Variants in STX19 observed in about 807,000 individuals in gnomAD.
STX19 encodes syntaxin 19, also known as syntaxin-19.
STX19 carries 26 observed loss-of-function variants against 24.3 expected under a neutral mutation model. That is an observed-to-expected ratio of 1.07 (90% confidence interval 0.78 to 1.48). The LOEUF is 1.48. Ranked by LOEUF, STX19 falls within the 40% of genes most tolerant of loss-of-function variation. The pLI is 0.00. For synonymous variants in STX19, 116 were observed against 106.9 expected (o/e 1.09, Z -0.52); for missense variants, 367 against 331.9 (o/e 1.11, Z -0.82).
intron 1 of STX19, among the ~76,000 whole-genome samples, chr3:94,016,623 T>C (rs1575983730): frequency 6.6e-6 from 1 of 151,734 alleles, no homozygotes; most frequent in Admixed American, 6.6e-5. Context: ...TATGAAAGTA[T>C]TGGAGATTTT....
At chr3:94,015,649 C>G (rs747523323) in intron 1 of STX19, among the ~76,000 whole-genome samples, 1 of 151,934 alleles carries the variant, frequency 6.6e-6, no homozygotes, top group Non-Finnish European at 1.5e-5. Flanking sequence ...CCAAAAATGC[C>G]CTTGTTACTA....
chr3:94,020,974 C>T (rs1363653103), intron 1 of STX19, among the ~76,000 whole-genome samples: 1 of 151,788 alleles, frequency 6.6e-6, no homozygotes, highest in Non-Finnish European at 1.5e-5. Flanking sequence ...ACTTTACTGG[C>T]AAGGAACAGT....
At chr3:94,020,732 A>T (rs377329961) in intron 1 of STX19, among the ~76,000 whole-genome samples, 1 of 152,210 alleles carries the variant, frequency 6.6e-6, no homozygotes, top group Non-Finnish European at 1.5e-5. Context: ...CCGGTGGGAA[A>T]CATTTAAGAG....
At position 94,015,164 on chromosome 3, in the gene STX19, G is replaced by A. The variant is rs372071936; in HGVS notation, c.106C>T (p.Gln36Ter). The change falls in exon 2 of 2, where the codon CAG (glutamine) becomes TAG (stop). Residue 36 changes from glutamine to a stop codon, truncating the protein, a stop_gained. Coordinates refer to ENST00000315099, the MANE Select transcript of STX19 (RefSeq NM_001001850.3). LOFTEE classifies it high-confidence loss of function. Reference sequence around the variant, plus strand: ...TCTCTTTCATAAATAACAGCTTGCTGTAGAAACACCCCTTGTTCCTCTGTT... The same window carrying A: ...TCTCTTTCATAAATAACAGCTTGCTATAGAAACACCCCTTGTTCCTCTGTT... ...TETEEQGVFL[Q>*]QAVIYEREPV... 19 of 1,613,778 alleles carry A rather than the reference G, an allele frequency of 1.2e-5. No homozygotes were observed. Among genetic ancestry groups the A allele is most frequent in the Admixed American group, 6.7e-5 (4 of 59,986 alleles).
chr3:94,023,686 T>G (rs947277537), intron 1 of STX19, among the ~76,000 whole-genome samples: 1 of 152,160 alleles, frequency 6.6e-6, no homozygotes, highest in Non-Finnish European at 1.5e-5. Context: ...TAGACATATC[T>G]ACTTGATTGC....
chr3:94,014,999 C>T lies in STX19; in HGVS notation c.271G>A (p.Glu91Lys). Reference sequence around the variant, plus strand: ...TTTATCTCCTTTGTAATGGTAGACTCTCTCTTAAGTAGACTAAACCTTCTC... The same window carrying T: ...TTTATCTCCTTTGTAATGGTAGACTTTCTCTTAAGTAGACTAAACCTTCTC... ...SMRRFSLLKR[E>K]STITKEIKIQ... Residue 91 changes from glutamate to lysine, a missense_variant, in exon 2 of 2, where the codon GAG becomes AAG. Transcript: ENST00000315099. 1 of 1,614,058 alleles carries T rather than the reference C, an allele frequency of 6.2e-7. No homozygotes were observed. The highest frequency in any genetic ancestry group is 8.5e-7 in the Non-Finnish European group (1 of 1,179,962).
chr3:94,020,168 G>A (rs900846766), intron 1 of STX19, among the ~76,000 whole-genome samples: 1 of 152,074 alleles, frequency 6.6e-6, no homozygotes, highest in Non-Finnish European at 1.5e-5. Flanking sequence ...AGAAAGTAGA[G>A]GGTCTTTATT....
In STX19 at chr3:94,014,879, T is replaced by G; in HGVS notation, c.391A>C (p.Arg131=). ...VENGPSSVVT[R]ILKSQHAAMF... is the part of the protein sequence containing the mutation. ...GCAGCATGCTGAGATTTAAGTATCCTTGTGACCACTGAAGATGGACCATTT... is the reference window on the plus strand; with the variant it reads ...GCAGCATGCTGAGATTTAAGTATCCGTGTGACCACTGAAGATGGACCATTT... Residue 131 remains arginine (R), a synonymous_variant, in exon 2 of 2, where the codon AGG becomes CGG. Transcript: ENST00000315099. 1 of 1,613,992 alleles carries G rather than the reference T, an allele frequency of 6.2e-7. No homozygotes were observed. The highest frequency in any genetic ancestry group is 1.1e-5 in the South Asian group (1 of 91,018).
intron 1 of STX19, among the ~76,000 whole-genome samples, chr3:94,018,234 T>A (rs1365422929): frequency 6.7e-6 from 1 of 149,744 alleles, no homozygotes; most frequent in Non-Finnish European, 1.5e-5. Flanking sequence ...TTGCTTTCTA[T>A]ATAGAGAATA....
chr3:94,019,705 A>G (rs35929728), intron 1 of STX19, among the ~76,000 whole-genome samples: 13,236 of 152,178 alleles, frequency 0.087, 655 homozygotes, highest in Middle Eastern at 0.19. Context: ...AGGAAAAACT[A>G]GAGCCTACAA....
chr3:94,021,576 C>G (rs1488358877), intron 1 of STX19, among the ~76,000 whole-genome samples: 1 of 152,116 alleles, frequency 6.6e-6, no homozygotes, highest in Non-Finnish European at 1.5e-5. Flanking sequence ...AATGTGGAAA[C>G]TTTTTACCAT....
Position 94,014,592 on chromosome 3 carries a change from T to C in STX19, c.678A>G (p.Ile226Met), listed in dbSNP as rs2076288025. Residue 226 changes from isoleucine to methionine, a missense_variant, in exon 2 of 2, where the codon ATA becomes ATG. Transcript: ENST00000315099. ...HKELVNLENQ[I>M]KDLRDLFIQI... ...GAATGAAAAGATCCCTTAAATCCTT[T>C]ATTTGGTTCTCCAAATTAACAAGTT... The C allele has an allele frequency of 6.2e-7, 1 of 1,612,778 alleles. No homozygotes were observed. Among genetic ancestry groups the C allele is most frequent in the African/African-American group, 1.3e-5 (1 of 74,874 alleles).
intron 1 of STX19, among the ~76,000 whole-genome samples, chr3:94,018,875 C>T (rs2076389244): frequency 6.6e-6 from 1 of 152,002 alleles, no homozygotes; most frequent in South Asian, 2.1e-4. Flanking sequence ...AAGCAATTCT[C>T]CTGCCTCAGC....
intron 1 of STX19, among the ~76,000 whole-genome samples, chr3:94,024,244 G>A (rs2076509165): frequency 1.3e-5 from 2 of 152,144 alleles, no homozygotes; most frequent in Admixed American, 6.6e-5. Flanking sequence ...TAAAAATACA[G>A]CATATATAGC....
At chr3:94,023,187 T>C (rs2076486005) in intron 1 of STX19, among the ~76,000 whole-genome samples, 1 of 152,168 alleles carries the variant, frequency 6.6e-6, no homozygotes, top group Non-Finnish European at 1.5e-5. Context: ...TTCTGTCCTA[T>C]ACTTGAATAC....
At position 94,024,041 on chromosome 3, in the gene STX19, A is replaced by G. The variant is rs1003740753; in HGVS notation, c.-14+4326T>C. 7.2e-5 allele frequency among the ~76,000 whole-genome samples: 11 copies of G among 152,256 alleles called. No homozygotes were observed. The East Asian group carries it at 1.9e-3, about 27-fold the overall frequency. ...ACTATATGGAGATTGATATTCTTAT[A>G]TTTTCTTCTGCTTCAACTCATAGTC... is the stretch of plus-strand genomic sequence containing the variant. On this transcript the variant is annotated intron_variant, in intron 1 of 1. Coordinates refer to ENST00000315099, the MANE Select transcript of STX19 (RefSeq NM_001001850.3).
At chr3:94,026,364 C>T (rs542425800) in intron 1 of STX19, among the ~76,000 whole-genome samples, 3 of 152,172 alleles carry the variant, frequency 2.0e-5, no homozygotes, top group African/African-American at 7.2e-5. Context: ...TGCATTTTGA[C>T]TGAAAGTCAC....
At chr3:94,025,966 C>G (rs2076546963) in intron 1 of STX19, among the ~76,000 whole-genome samples, 2 of 151,736 alleles carry the variant, frequency 1.3e-5, no homozygotes, top group South Asian at 4.2e-4. Context: ...AATTACTACT[C>G]TTCACTTTGG....
At chr3:94,019,653 T>G (rs1222162186) in intron 1 of STX19, among the ~76,000 whole-genome samples, 1 of 151,510 alleles carries the variant, frequency 6.6e-6, no homozygotes, top group African/African-American at 2.4e-5. Flanking sequence ...TCAGACCATG[T>G]CATTCCTGTG....
Sources: allele counts gnomAD v4.1 joint callset (sites outside exome capture counted in the v4.1 genomes callset), GRCh38; gene constraint gnomAD v4.1.1; transcripts MANE v1.5; gene names NCBI Gene and HGNC (gene_info 2026-07-23, HGNC 2026-07-21).